Variants in PIGK observed in about 807,000 individuals in gnomAD.
The protein encoded by PIGK is phosphatidylinositol glycan anchor biosynthesis class K, also known as GPI-anchor transamidase.
Under a neutral mutation model 50.6 loss-of-function variants are expected in PIGK, and 42 were observed. That is an observed-to-expected ratio of 0.83 (90% CI 0.65 to 1.07). The LOEUF (loss-of-function observed/expected upper bound fraction) is 1.07. Among genes scored for constraint, PIGK ranks in the 50% least tolerant of loss-of-function variants. The pLI, the probability that PIGK is intolerant of heterozygous loss-of-function variation, is 0.00. For synonymous variants in PIGK, 151 were observed against 156.0 expected (o/e 0.97, Z 0.24); for missense variants, 448 against 488.7 (o/e 0.92, Z 0.78).
intron 10 of PIGK, among the ~76,000 whole-genome samples, chr1:77,119,068 A>G (rs933969833): frequency 1.3e-5 from 2 of 152,144 alleles, no homozygotes; most frequent in Non-Finnish European, 2.9e-5. Flanking sequence ...TATTTATCTG[A>G]TTACAGCTGC....
intron 1 of PIGK, among the ~76,000 whole-genome samples, chr1:77,214,557 G>C (rs61782945): frequency 0.033 from 5,071 of 152,150 alleles, 129 homozygotes; most frequent in Middle Eastern, 0.088. Flanking sequence ...ATTGAACAGG[G>C]AAAAGTTGAA....
intron 9 of PIGK, among the ~76,000 whole-genome samples, chr1:77,147,192 C>T (rs1414909683): frequency 1.3e-5 from 2 of 152,096 alleles, no homozygotes; most frequent in Non-Finnish European, 2.9e-5. Flanking sequence ...CTTATAAAGC[C>T]ATCAGATCTC....
intron 9 of PIGK, among the ~76,000 whole-genome samples, chr1:77,141,780 T>C (rs1484487477): frequency 6.6e-6 from 1 of 152,108 alleles, no homozygotes; most frequent in East Asian, 1.9e-4. Context: ...AAAAATAACC[T>C]TACTTTGACT....
At position 77,123,480 on chromosome 1, in the gene PIGK, A is replaced by G. The variant is rs573054875; in HGVS notation, c.987-1121T>C. ...GCTTCAAGAACCTCTTATCTAGGTA[A>G]AAGTTTGTGGATATCTTGCAGAATT... On this transcript the variant is annotated intron_variant, in intron 9 of 10. Transcript: ENST00000370812. 3.3e-5 allele frequency among the ~76,000 whole-genome samples: 5 copies of G among 152,270 alleles called. No homozygotes were observed. In the South Asian group the frequency reaches 1.0e-3, roughly 32 times the overall value.
At chr1:77,106,074 ACACAC>A (rs1653664235) in intron 10 of PIGK, among the ~76,000 whole-genome samples, 1 of 152,264 alleles carries the variant, frequency 6.6e-6, no homozygotes, top group African/African-American at 2.4e-5. Flanking sequence ...AAAACCATCA[ACACAC>A]CAAAAATGAA....
intron 5 of PIGK, among the ~76,000 whole-genome samples, chr1:77,166,022 G>A (rs1354337222): frequency 1.3e-5 from 2 of 152,130 alleles, no homozygotes; most frequent in African/African-American, 2.4e-5. Context: ...ATAAGCAAAT[G>A]CAAGAGCTTA....
intron 1 of PIGK, among the ~76,000 whole-genome samples, chr1:77,215,128 C>T (rs527261197): frequency 1.1e-4 from 16 of 152,146 alleles, no homozygotes; most frequent in African/African-American, 3.9e-4. Flanking sequence ...TGATATTCTT[C>T]ACAGAAATAG....
Position 77,161,623 on chromosome 1 carries a change from T to G in PIGK, c.673A>C (p.Ser225Arg), listed in dbSNP as rs747861600. Reference sequence around the variant, plus strand: ...AGTGAATCTTCTCCCACTTGACTACTAGCTAGAGCCATTATGTTAGGAGAA... The same window carrying G: ...AGTGAATCTTCTCCCACTTGACTACGAGCTAGAGCCATTATGTTAGGAGAA... Reference protein sequence around the residue: ...FYSPNIMALASSQVGEDSLSH... With the variant: ...FYSPNIMALARSQVGEDSLSH... Residue 225 changes from serine to arginine, a missense_variant, in exon 7 of 11, where the codon AGT becomes CGT. Physicochemically the swap from Ser to Arg is moderately radical, Grantham distance 110. Coordinates refer to ENST00000370812, the MANE Select transcript of PIGK (RefSeq NM_005482.3). The G allele has an allele frequency of 1.3e-6, 2 of 1,548,784 alleles. No individual in the cohort carries two copies. The highest frequency in any genetic ancestry group is 8.9e-7 in the Non-Finnish European group (1 of 1,120,478).
At chr1:77,157,730 A>T (rs951293451) in intron 8 of PIGK, among the ~76,000 whole-genome samples, 2 of 152,176 alleles carry the variant, frequency 1.3e-5, no homozygotes, top group Non-Finnish European at 2.9e-5. Context: ...TCCCCACCCA[A>T]ATCTCATCTT....
chr1:77,216,660 C>G (rs575950179), intron 1 of PIGK, among the ~76,000 whole-genome samples: 1 of 151,304 alleles, frequency 6.6e-6, no homozygotes, highest in South Asian at 2.1e-4. Flanking sequence ...TGTATTTTTC[C>G]CCCTCCAAAC....
chr1:77,193,071 T>A (rs1655947135), intron 3 of PIGK, among the ~76,000 whole-genome samples: 1 of 152,216 alleles, frequency 6.6e-6, no homozygotes, highest in Admixed American at 6.5e-5. Flanking sequence ...ACTCATGCTT[T>A]GGCCAAATTC....
chr1:77,178,284 T>C (rs898598954), intron 3 of PIGK, among the ~76,000 whole-genome samples: 2 of 152,228 alleles, frequency 1.3e-5, no homozygotes. Context: ...AAAGAGAACA[T>C]TGCCAGGAGG....
intron 10 of PIGK, among the ~76,000 whole-genome samples, chr1:77,116,927 A>C (rs1346230539): frequency 1.3e-5 from 2 of 152,220 alleles, no homozygotes; most frequent in Non-Finnish European, 2.9e-5. Flanking sequence ...AACTTTTACT[A>C]CTGAAACTAC....
intron 10 of PIGK, among the ~76,000 whole-genome samples, chr1:77,115,035 A>G (rs1351892137): frequency 1.3e-5 from 2 of 152,216 alleles, no homozygotes; most frequent in East Asian, 3.9e-4. Flanking sequence ...TTTCTACTTG[A>G]TAGACATTTC....
intron 9 of PIGK, among the ~76,000 whole-genome samples, chr1:77,136,044 T>C (rs1320396910): frequency 6.6e-6 from 1 of 152,196 alleles, no homozygotes; most frequent in Admixed American, 6.5e-5. Context: ...TTTCAAAAAG[T>C]GCATCCCTTT....
intron 10 of PIGK, among the ~76,000 whole-genome samples, chr1:77,095,840 A>C (rs573487665): frequency 6.6e-6 from 1 of 152,228 alleles, no homozygotes; most frequent in African/African-American, 2.4e-5. Context: ...CCTATTCCTC[A>C]GATACAGATT....
chr1:77,110,429 A>G (rs1326201836), intron 10 of PIGK, among the ~76,000 whole-genome samples: 1 of 152,168 alleles, frequency 6.6e-6, no homozygotes, highest in Non-Finnish European at 1.5e-5. Flanking sequence ...CCAATGGAAC[A>G]GAACAGAGCC....
intron 3 of PIGK, among the ~76,000 whole-genome samples, chr1:77,189,723 AT>A (rs1655846114): frequency 2.4e-5 from 2 of 82,338 alleles, no homozygotes; most frequent in African/African-American, 5.6e-5. Context: ...ATATATATAT[AT>A]ATATATATAT....
chr1:77,209,449 A>C (rs1376582324), intron 2 of PIGK, among the ~76,000 whole-genome samples: 1 of 152,154 alleles, frequency 6.6e-6, no homozygotes, highest in African/African-American at 2.4e-5. Flanking sequence ...AATTAAAACA[A>C]AATGTAATGT....
Sources: allele counts gnomAD v4.1 joint callset (sites outside exome capture counted in the v4.1 genomes callset), GRCh38; gene constraint gnomAD v4.1.1; transcripts MANE v1.5; gene names NCBI Gene and HGNC (gene_info 2026-07-23, HGNC 2026-07-21).